GRM8: variants seen among roughly 807,000 people sequenced by gnomAD.
GRM8 encodes metabotropic glutamate receptor 8.
Under a neutral mutation model 87.2 loss-of-function variants are expected in GRM8, and 47 were observed. The ratio of observed to expected loss-of-function variants is 0.54; its 90% CI spans 0.43 to 0.69. The LOEUF (loss-of-function observed/expected upper bound fraction) is 0.69. GRM8 is among the 30% of genes least tolerant of loss of function. The pLI is 0.00. For synonymous variants in GRM8, 396 were observed against 404.5 expected, an observed-to-expected ratio of 0.98 and a Z score of 0.25; for missense variants, 1,019 against 1,139.2, an observed-to-expected ratio of 0.89 and a Z score of 1.52.
intron 9 of GRM8, among the ~76,000 whole-genome samples, chr7:126,523,479 C>T (rs1813311783): frequency 6.6e-6 from 1 of 151,784 alleles, no homozygotes; most frequent in Non-Finnish European, 1.5e-5. Context: ...CTCTATTGTC[C>T]CTTTTCACAG....
rs532112023 is a variant in GRM8 at position 126,685,327 on chromosome 7, C to T, written c.1358-75829G>A. On this transcript the variant is annotated intron_variant, in intron 7 of 10. Coordinates refer to ENST00000339582, the MANE Select transcript of GRM8 (RefSeq NM_000845.3). This position sits in a 1 kb window ranked among gnomAD's most constrained non-coding sequence, Gnocchi z 4.2. ...CCAGAGAGGGGACTCGAGGCGGAGCCGGGCCTGGGGTGGTACCATGCTTCA... is the reference window on the plus strand; with the variant it reads ...CCAGAGAGGGGACTCGAGGCGGAGCTGGGCCTGGGGTGGTACCATGCTTCA... Among the ~76,000 whole-genome samples, 9 of 152,198 alleles carry T rather than the reference C, an allele frequency of 5.9e-5. No individual in the cohort carries two copies. The highest frequency in any genetic ancestry group is 2.1e-4 in the South Asian group (1 of 4,828).
At chr7:126,892,645 T>C (rs994963878) in intron 6 of GRM8, among the ~76,000 whole-genome samples, 1 of 152,108 alleles carries the variant, frequency 6.6e-6, no homozygotes, top group Non-Finnish European at 1.5e-5. Flanking sequence ...CCTTTGGGTA[T>C]ATACCCAGTA....
intron 2 of GRM8, among the ~76,000 whole-genome samples, chr7:127,170,459 C>T (rs139616117): frequency 6.6e-6 from 1 of 152,158 alleles, no homozygotes; most frequent in Admixed American, 6.6e-5. Context: ...AAATGTAGAG[C>T]TACCATTTGA....
At chr7:127,162,354 C>T (rs1793169045) in intron 2 of GRM8, among the ~76,000 whole-genome samples, 2 of 152,192 alleles carry the variant, frequency 1.3e-5, no homozygotes, top group South Asian at 4.1e-4. Flanking sequence ...CTCTCTCACC[C>T]ATACCTCCGT....
At chr7:127,046,822 G>C (rs1454480422) in intron 3 of GRM8, among the ~76,000 whole-genome samples, 1 of 151,970 alleles carries the variant, frequency 6.6e-6, no homozygotes, top group Non-Finnish European at 1.5e-5. Context: ...ACAATATCAT[G>C]ATAAATGGAA....
At chr7:126,709,496 GGGA>G (rs975368783) in intron 7 of GRM8, among the ~76,000 whole-genome samples, 14 of 151,642 alleles carry the variant, frequency 9.2e-5, no homozygotes, top group Admixed American at 2.6e-4. Flanking sequence ...AGAAGGAGGA[GGGA>G]GGAGGAGGAG....
intron 9 of GRM8, among the ~76,000 whole-genome samples, chr7:126,490,652 C>G (rs927742325): frequency 6.6e-6 from 1 of 151,966 alleles, no homozygotes; most frequent in African/African-American, 2.4e-5. Flanking sequence ...TCTAGACACA[C>G]CCTTACACAC....
chr7:126,949,966 A>G (rs1322030347), intron 3 of GRM8, among the ~76,000 whole-genome samples: 1 of 152,194 alleles, frequency 6.6e-6, no homozygotes, highest in Non-Finnish European at 1.5e-5. Context: ...TTTTAGATCA[A>G]AGACGTGGGT....
At chr7:126,780,173 C>A (rs1819906491) in intron 6 of GRM8, among the ~76,000 whole-genome samples, 1 of 152,238 alleles carries the variant, frequency 6.6e-6, no homozygotes, top group Non-Finnish European at 1.5e-5. Flanking sequence ...TAATTTAGTT[C>A]TGTGATTGAG....
chr7:127,009,711 G>C (rs572194801), intron 3 of GRM8, among the ~76,000 whole-genome samples: 3 of 152,064 alleles, frequency 2.0e-5, no homozygotes, highest in African/African-American at 7.2e-5. Context: ...ATTTGGAATT[G>C]TGAAAAATCC....
At chr7:127,098,289 T>C (rs2132990947) in intron 3 of GRM8, among the ~76,000 whole-genome samples, 1 of 152,356 alleles carries the variant, frequency 6.6e-6, no homozygotes, top group Middle Eastern at 3.4e-3. Flanking sequence ...ATTAATACTT[T>C]TCTCAAATTG....
chr7:126,900,621 T>C (rs1432639336), intron 6 of GRM8, among the ~76,000 whole-genome samples: 1 of 151,910 alleles, frequency 6.6e-6, no homozygotes, highest in African/African-American at 2.4e-5. Flanking sequence ...GCAATTCTCC[T>C]GCCTCAGCCT....
chr7:127,089,510 A>G (rs1823847653), intron 3 of GRM8, among the ~76,000 whole-genome samples: 1 of 152,220 alleles, frequency 6.6e-6, no homozygotes, highest in Non-Finnish European at 1.5e-5. Flanking sequence ...TCTTCCCACC[A>G]CATGGGCAAA....
chr7:126,983,954 G>A (rs1029998322), intron 3 of GRM8, among the ~76,000 whole-genome samples: 8 of 152,166 alleles, frequency 5.3e-5, no homozygotes, highest in African/African-American at 1.9e-4. Context: ...ATTGTCATGA[G>A]TATTTCCTCC....
intron 7 of GRM8, among the ~76,000 whole-genome samples, chr7:126,632,776 G>A (rs1386172875): frequency 1.3e-5 from 2 of 152,004 alleles, no homozygotes; most frequent in Admixed American, 6.6e-5. Flanking sequence ...GCAAACTAAT[G>A]CAGGAACAGA....
chr7:127,101,431 A>G (rs1248913504), intron 3 of GRM8, among the ~76,000 whole-genome samples: 1 of 152,060 alleles, frequency 6.6e-6, no homozygotes, highest in Non-Finnish European at 1.5e-5. Flanking sequence ...GCCTGGTGAG[A>G]GGTATTGGGT....
intron 6 of GRM8, among the ~76,000 whole-genome samples, chr7:126,799,382 C>A (rs576645240): frequency 6.6e-6 from 1 of 152,074 alleles, no homozygotes; most frequent in Non-Finnish European, 1.5e-5. Context: ...AAATACCAAT[C>A]AGTAGTGAGG....
chr7:126,914,617 A>T (rs2131315999), intron 3 of GRM8, among the ~76,000 whole-genome samples: 1 of 152,384 alleles, frequency 6.6e-6, no homozygotes, highest in South Asian at 2.1e-4. Flanking sequence ...TGCCCTTTGC[A>T]GCAACATGGA....
At chr7:126,831,719 C>G (rs763954731) in intron 6 of GRM8, among the ~76,000 whole-genome samples, 2 of 152,074 alleles carry the variant, frequency 1.3e-5, no homozygotes, top group Non-Finnish European at 2.9e-5. Context: ...GTCTGGCACT[C>G]CCTAGTGAGA....
Sources: allele counts gnomAD v4.1 joint callset (sites outside exome capture counted in the v4.1 genomes callset), GRCh38; gene constraint gnomAD v4.1.1; non-coding constraint Gnocchi (gnomAD v3.1); transcripts MANE v1.5; gene names NCBI Gene and HGNC (gene_info 2026-07-23, HGNC 2026-07-21).